The following FAM53B variants were observed in gnomAD, a reference collection of about 807,000 sequenced individuals.
FAM53B encodes the protein family with sequence similarity 53 member B.
Under a neutral mutation model 32.7 loss-of-function variants are expected in FAM53B, and 12 were observed. The ratio of observed to expected loss-of-function variants is 0.37; its 90% CI spans 0.24 to 0.59. The LOEUF is 0.59. FAM53B is among the 20% of genes least tolerant of loss of function. FAM53B has a pLI of 0.72. For missense variants in FAM53B, 477 were observed against 577.7 expected (o/e 0.83, Z 1.79); for synonymous variants, 234 against 228.7 (o/e 1.02, Z -0.21).
In FAM53B at chr10:124,682,898, C is replaced by T. The variant is rs1019100241; in HGVS notation, c.134-519G>A. 6.6e-6 allele frequency among the ~76,000 whole-genome samples: 1 copy of T among 152,232 alleles called. No individual in the cohort carries two copies. Among genetic ancestry groups the T allele is most frequent in the Non-Finnish European group, 1.5e-5 (1 of 68,044 alleles). On this transcript the variant is annotated intron_variant, in intron 3 of 4. Transcript: ENST00000337318. The surrounding 1 kb of genome is among the most constrained non-coding windows in gnomAD (Gnocchi z 5.2). ...GGCCAAGGCCAAAAGATGGCTGGGG[C>T]ACTGCCAGGTTAGTTCACCCCAATT...
intron 4 of FAM53B, among the ~76,000 whole-genome samples, chr10:124,678,944 T>C (rs1949752754): frequency 6.6e-6 from 1 of 152,162 alleles, no homozygotes; most frequent in African/African-American, 2.4e-5. Flanking sequence ...GAGCTGCAGC[T>C]TTTCAGAATG....
chr10:124,729,616 G>A (rs1950128572), intron 1 of FAM53B, among the ~76,000 whole-genome samples: 1 of 152,174 alleles, frequency 6.6e-6, no homozygotes, highest in Admixed American at 6.5e-5. Context: ...ATTGTTTAAG[G>A]TGTGAAGATT....
At chr10:124,703,096 C>T (rs549189800) in intron 2 of FAM53B, among the ~76,000 whole-genome samples, 3 of 152,084 alleles carry the variant, frequency 2.0e-5, no homozygotes, top group African/African-American at 2.4e-5. Context: ...GGCTGGAGTG[C>T]GGTAGTGCTG....
intron 1 of FAM53B, among the ~76,000 whole-genome samples, chr10:124,711,160 C>T (rs140143933): frequency 3.5e-4 from 54 of 152,284 alleles, no homozygotes; most frequent in Non-Finnish European, 6.8e-4. Context: ...CAGAGACACA[C>T]GCCACAACCT....
chr10:124,626,492 A>T (rs759796691), intron 4 of FAM53B, among the ~76,000 whole-genome samples: 141 of 151,472 alleles, frequency 9.3e-4, no homozygotes, highest in Non-Finnish European at 1.5e-3. Context: ...CATAACAGAG[A>T]CTGGAGGGAG....
At chr10:124,663,797 C>T (rs1360663123) in intron 4 of FAM53B, among the ~76,000 whole-genome samples, 2 of 151,968 alleles carry the variant, frequency 1.3e-5, no homozygotes, top group East Asian at 3.9e-4. Flanking sequence ...GGGCGCCTAC[C>T]AGCAGCCTAT....
intron 1 of FAM53B, among the ~76,000 whole-genome samples, chr10:124,743,160 C>CG (rs1247072170): frequency 1.2e-4 from 10 of 80,226 alleles, no homozygotes; most frequent in African/African-American, 2.8e-4. Context: ...GGTGGGGGGG[C>CG]GGGGGGAGCG....
In FAM53B at chr10:124,682,379, T is replaced by C; in HGVS notation, c.134A>G (p.Glu45Gly). 6.3e-7 allele frequency: 1 copy of C among 1,593,342 alleles called. No homozygotes were observed. Among genetic ancestry groups the C allele is most frequent in the South Asian group, 1.1e-5 (1 of 90,626 alleles). Residue 45 changes from glutamate to glycine, a missense_variant and splice_region_variant, in exon 4 of 5, where the codon GAA becomes GGA. Physicochemically the swap from Glu to Gly is moderately conservative, Grantham distance 98. This residue lies in a region of FAM53B where 312 missense variants were observed against 420.2 expected (regional missense o/e 0.74). Transcript: ENST00000337318. The surrounding 1 kb of genome is among the most constrained non-coding windows in gnomAD (Gnocchi z 5.2). ...GPTLFSCGIM[E>G]NDRWRDLDRK... ...GTCCAGGTCTCGCCATCTGTCATTT[T>C]CTGGTTCATAAATGACAAGGAGAAA...
At chr10:124,659,375 G>A (rs1949614794) in intron 4 of FAM53B, among the ~76,000 whole-genome samples, 1 of 152,226 alleles carries the variant, frequency 6.6e-6, no homozygotes, top group African/African-American at 2.4e-5. Context: ...TCTTTTCATT[G>A]TCAGTTTCAA....
intron 4 of FAM53B, among the ~76,000 whole-genome samples, chr10:124,657,731 G>C (rs1293343617): frequency 6.6e-6 from 1 of 152,130 alleles, no homozygotes; most frequent in Non-Finnish European, 1.5e-5. Flanking sequence ...ACCATGAATT[G>C]AGCATTTGTT....
At chr10:124,697,151 G>C (rs1022876082) in intron 2 of FAM53B, among the ~76,000 whole-genome samples, 4 of 152,104 alleles carry the variant, frequency 2.6e-5, no homozygotes, top group African/African-American at 9.7e-5. Context: ...GTGCTCCAAG[G>C]CTTCCTCACT....
intron 4 of FAM53B, among the ~76,000 whole-genome samples, chr10:124,672,657 C>T (rs1949713441): frequency 6.6e-6 from 1 of 152,210 alleles, no homozygotes; most frequent in Admixed American, 6.5e-5. Flanking sequence ...AGCCCTTCTC[C>T]AGCCCAGAGT....
intron 1 of FAM53B, among the ~76,000 whole-genome samples, chr10:124,727,845 A>T (rs1341131409): frequency 6.6e-6 from 1 of 152,200 alleles, no homozygotes; most frequent in Admixed American, 6.5e-5. Context: ...CCAGGCTACT[A>T]TTAAAATTTA....
At chr10:124,660,118 T>C (rs968917145) in intron 4 of FAM53B, among the ~76,000 whole-genome samples, 4 of 152,224 alleles carry the variant, frequency 2.6e-5, no homozygotes, top group African/African-American at 9.6e-5. Context: ...AGAGCGAACT[T>C]TCTAGGGGTT....
intron 1 of FAM53B, among the ~76,000 whole-genome samples, chr10:124,724,090 A>G (rs1271135890): frequency 6.6e-6 from 1 of 152,228 alleles, no homozygotes; most frequent in African/African-American, 2.4e-5. Flanking sequence ...CACAAGGCAT[A>G]GTGTGTCATA....
intron 1 of FAM53B, among the ~76,000 whole-genome samples, chr10:124,718,169 A>G (rs751367575): frequency 6.6e-6 from 1 of 152,070 alleles, no homozygotes; most frequent in African/African-American, 2.4e-5. Context: ...ACACTGGGAC[A>G]TGACAGGTGA....
At chr10:124,650,819 T>A (rs888624801) in intron 4 of FAM53B, among the ~76,000 whole-genome samples, 1 of 152,102 alleles carries the variant, frequency 6.6e-6, no homozygotes, top group African/African-American at 2.4e-5. Context: ...CAGCCATTTG[T>A]TTCGAGAGAG....
At chr10:124,646,749 T>C (rs563515134) in intron 4 of FAM53B, among the ~76,000 whole-genome samples, 2 of 152,352 alleles carry the variant, frequency 1.3e-5, no homozygotes, top group African/African-American at 4.8e-5. Context: ...GAGCCTGCAA[T>C]ACTGGGGTGA....
At chr10:124,735,022 C>T (rs954543419) in intron 1 of FAM53B, among the ~76,000 whole-genome samples, 9 of 152,164 alleles carry the variant, frequency 5.9e-5, no homozygotes, top group Non-Finnish European at 1.2e-4. Context: ...TAGAAGCAGC[C>T]GGAATCACAC....
Sources: gnomAD v4.1 joint callset for allele counts (sites outside exome capture counted in the v4.1 genomes callset) on GRCh38, gnomAD v4.1.1 for gene constraint, gnomAD v4.1.1 regional missense constraint, Gnocchi (gnomAD v3.1) non-coding constraint, MANE v1.5 for transcripts, NCBI Gene and HGNC (gene_info 2026-07-23, HGNC 2026-07-21) for gene names.